TOGARAM1: variants seen among roughly 807,000 people sequenced by gnomAD.
TOGARAM1 encodes the protein TOG array regulator of axonemal microtubules protein 1.
In TOGARAM1, 100 loss-of-function variants were observed where a neutral mutation model predicts 166.6. The ratio of observed to expected loss-of-function variants is 0.60; its 90% CI spans 0.51 to 0.71. The LOEUF is 0.71. Among genes scored for constraint, TOGARAM1 ranks in the 30% least tolerant of loss-of-function variants. TOGARAM1 has a pLI of 0.00. For synonymous variants in TOGARAM1, 758 were observed against 763.8 expected, an observed-to-expected ratio of 0.99 and a Z score of 0.13; for missense variants, 2,029 against 2,102.7, an observed-to-expected ratio of 0.96 and a Z score of 0.69.
intron 4 of TOGARAM1, 70 bp from the exon 5 acceptor site, chr14:45,005,938 A>G (rs1470937913): frequency 1.5e-6 from 2 of 1,330,150 alleles, no homozygotes; most frequent in Admixed American, 2.4e-5. Flanking sequence ...TATTTTAAGC[A>G]CTTGTGACTA....
intron 7 of TOGARAM1, among the ~76,000 whole-genome samples, chr14:45,018,291 G>C (rs934688989): frequency 2.6e-5 from 4 of 151,894 alleles, no homozygotes; most frequent in African/African-American, 7.3e-5. Context: ...TCAGGCTAGA[G>C]AGCAGTGGTG....
chr14:44,985,534 A>C (rs1382753142), intron 1 of TOGARAM1, among the ~76,000 whole-genome samples: 2 of 152,212 alleles, frequency 1.3e-5, no homozygotes, highest in Admixed American at 6.5e-5. Flanking sequence ...TGTGCAACCT[A>C]GATTCCTTGC....
At chr14:45,070,098 C>G (rs1883311632) in intron 18 of TOGARAM1, among the ~76,000 whole-genome samples, 1 of 152,072 alleles carries the variant, frequency 6.6e-6, no homozygotes, top group East Asian at 1.9e-4. Context: ...AGGAGAATGG[C>G]ATGAACCCGG....
chr14:44,986,456 A>AT (rs3036336), intron 1 of TOGARAM1, among the ~76,000 whole-genome samples: 1 of 151,992 alleles, frequency 6.6e-6, no homozygotes, highest in East Asian at 1.9e-4. Flanking sequence ...TACCCAGCTA[A>AT]TTTTTTAATT....
Position 45,025,820 on chromosome 14 carries a change from C to T in TOGARAM1, c.3276C>T (p.Asp1092=), listed in dbSNP as rs540817810. Residue 1092 remains aspartate (D), a synonymous_variant, in exon 8 of 20, where the codon GAC becomes GAT. Transcript: ENST00000361462. The part of the protein sequence containing the change: ...SSNPQQISSF[D]FTTTKALSED... ...ATCCACAGCAAATTTCCAGTTTTGACTTCACAACCACAAAGGCTTTATCAG... is the reference window on the plus strand; with the variant it reads ...ATCCACAGCAAATTTCCAGTTTTGATTTCACAACCACAAAGGCTTTATCAG... The T allele has an allele frequency of 2.0e-5, 32 of 1,610,616 alleles. No individual in the cohort carries two copies. Among genetic ancestry groups the T allele is most frequent in the Non-Finnish European group, 2.7e-5 (32 of 1,177,706 alleles).
intron 11 of TOGARAM1, among the ~76,000 whole-genome samples, chr14:45,033,673 T>C (rs1881283765): frequency 6.6e-6 from 1 of 152,156 alleles, no homozygotes; most frequent in Non-Finnish European, 1.5e-5. Context: ...CCTGGTATCA[T>C]TTTGAGCTCT....
At chr14:44,972,520 T>G (rs1885941400) in intron 1 of TOGARAM1, among the ~76,000 whole-genome samples, 1 of 152,154 alleles carries the variant, frequency 6.6e-6, no homozygotes, top group Non-Finnish European at 1.5e-5. Flanking sequence ...CTTGTAATTC[T>G]ATCAGTCTTT....
intron 1 of TOGARAM1, among the ~76,000 whole-genome samples, chr14:44,979,142 A>T (rs1886389045): frequency 6.6e-6 from 1 of 152,114 alleles, no homozygotes. Flanking sequence ...TAAATTTTGT[A>T]TCCCTAATTT....
rs146435232 is a variant in TOGARAM1, at chr14:45,056,396, T to C, written c.4559+1847T>C. Among the ~76,000 whole-genome samples, 176 of 152,280 alleles carry C rather than the reference T, an allele frequency of 1.2e-3. 1 individual carries two copies. Among genetic ancestry groups the C allele is most frequent in the African/African-American group, 4.0e-3 (168 of 41,584 alleles). ...GCATGATTACTTTATCTAGGACTTA[T>C]AGTACTGTGTTGAATAGAAGTGGTG... On this transcript the variant is annotated intron_variant, in intron 16 of 19. Transcript: ENST00000361462.
chr14:44,985,018 C>CT (rs917965569), intron 1 of TOGARAM1, among the ~76,000 whole-genome samples: 60 of 147,450 alleles, frequency 4.1e-4, no homozygotes, highest in South Asian at 1.3e-3. Context: ...CCAAAACTAT[C>CT]TTTTTTTTTT....
At chr14:44,991,666 A>G (rs1185110654) in intron 1 of TOGARAM1, among the ~76,000 whole-genome samples, 1 of 152,104 alleles carries the variant, frequency 6.6e-6, no homozygotes, top group African/African-American at 2.4e-5. Flanking sequence ...ACAGATATGT[A>G]TTGTCTTACA....
rs1879408255 is a variant in TOGARAM1, at chr14:45,006,137, A to T, written c.2774A>T (p.Asp925Val). 2 of 1,614,048 alleles carry T rather than the reference A, an allele frequency of 1.2e-6. No individual in the cohort carries two copies. The highest frequency in any genetic ancestry group is 1.7e-6 in the Non-Finnish European group (2 of 1,180,016). Residue 925 changes from aspartate (D) to valine (V), a missense_variant, in exon 5 of 20, where the codon GAT becomes GTT. Physicochemically the swap from Asp to Val is radical, Grantham distance 152. Around this residue, in one of 2 missense-constraint regions of TOGARAM1, gnomAD observed 1,453 missense variants for 1,432.2 expected, o/e 1.01. Coordinates refer to ENST00000361462, the MANE Select transcript of TOGARAM1 (RefSeq NM_001308120.2). Reference sequence around the variant, plus strand: ...CCAAGGGGAATAAGCCTTTTGCCTGATAAAGCTGATTTAAGCACAGTGGGA... The same window carrying T: ...CCAAGGGGAATAAGCCTTTTGCCTGTTAAAGCTGATTTAAGCACAGTGGGA... ...PIPRGISLLP[D>V]KADLSTVGHK...
intron 4 of TOGARAM1, among the ~76,000 whole-genome samples, chr14:45,005,635 A>C (rs1213221295): frequency 1.3e-5 from 2 of 152,154 alleles, no homozygotes; most frequent in African/African-American, 4.8e-5. Context: ...TAAATAAATA[A>C]AAATAAAAAG....
intron 1 of TOGARAM1, among the ~76,000 whole-genome samples, chr14:44,973,869 A>T (rs1017511702): frequency 2.6e-5 from 4 of 151,478 alleles, no homozygotes; most frequent in African/African-American, 9.7e-5. Context: ...GAGAAGTTAG[A>T]TGTAATTCTT....
chr14:45,037,044 G>C (rs1430386118), intron 11 of TOGARAM1, among the ~76,000 whole-genome samples: 1 of 152,120 alleles, frequency 6.6e-6, no homozygotes, highest in East Asian at 1.9e-4. Flanking sequence ...GCATGGGAAA[G>C]ACTGGCCCCC....
At chr14:45,070,036 G>C (rs1011510303) in intron 18 of TOGARAM1, among the ~76,000 whole-genome samples, 1 of 152,020 alleles carries the variant, frequency 6.6e-6, no homozygotes, top group African/African-American at 2.4e-5. Flanking sequence ...CAAAAAATTA[G>C]CCGGGCGTGG....
chr14:44,993,186 G>A (rs1417270850), intron 1 of TOGARAM1, among the ~76,000 whole-genome samples: 4 of 151,988 alleles, frequency 2.6e-5, no homozygotes, highest in African/African-American at 7.2e-5. Flanking sequence ...TACTTGGGAG[G>A]CTGAGGTGGG....
intron 7 of TOGARAM1, among the ~76,000 whole-genome samples, chr14:45,016,419 C>G (rs1312546709): frequency 6.6e-6 from 1 of 152,298 alleles, no homozygotes; most frequent in South Asian, 2.1e-4. Flanking sequence ...CAGTGGCTCA[C>G]GCCTGTAATC....
At chr14:44,987,818 T>C (rs1198376392) in intron 1 of TOGARAM1, among the ~76,000 whole-genome samples, 7 of 146,574 alleles carry the variant, frequency 4.8e-5, no homozygotes, top group East Asian at 4.0e-4. Flanking sequence ...ATGTTTATTG[T>C]GGCACTATTC....
Sources: gnomAD v4.1 joint callset for allele counts (sites outside exome capture counted in the v4.1 genomes callset) on GRCh38, gnomAD v4.1.1 for gene constraint, gnomAD v4.1.1 regional missense constraint, MANE v1.5 for transcripts, NCBI Gene and HGNC (gene_info 2026-07-23, HGNC 2026-07-21) for gene names.